The following PXT1 variants were observed in gnomAD, a reference collection of about 807,000 sequenced individuals.
PXT1 encodes peroxisomal testis enriched protein 1, also known as peroxisomal testis-specific protein 1.
A neutral mutation model predicts 11.0 loss-of-function variants in PXT1; 11 were observed. The ratio of observed to expected loss-of-function variants is 1.00; its 90% CI spans 0.63 to 1.66. PXT1 has a LOEUF of 1.66. Ranked by LOEUF, PXT1 falls within the 40% of genes most tolerant of loss-of-function variation. PXT1 has a pLI of 0.00. For synonymous variants in PXT1, 43 were observed against 51.4 expected (o/e 0.84, Z 0.70); for missense variants, 141 against 155.5 (o/e 0.91, Z 0.49).
intron 3 of PXT1, among the ~76,000 whole-genome samples, chr6:36,411,709 A>C (rs1209605633): frequency 6.6e-6 from 1 of 152,176 alleles, no homozygotes; most frequent in Admixed American, 6.5e-5. Flanking sequence ...TGGGAGGCCA[A>C]GGCAGGAGGA....
intron 3 of PXT1, among the ~76,000 whole-genome samples, chr6:36,417,342 G>A (rs681220): frequency 0.059 from 9,029 of 151,964 alleles, 457 homozygotes; most frequent in African/African-American, 0.14. Context: ...GCAAGACTCC[G>A]TCTCAAAATA....
intron 3 of PXT1, among the ~76,000 whole-genome samples, chr6:36,402,953 T>C (rs1561925929): frequency 1.9e-4 from 2 of 10,726 alleles, no homozygotes; most frequent in Admixed American, 1.0e-3. Context: ...CTTTCTTTCT[T>C]TTTTTTTTTT....
rs1190498640 is a variant in PXT1, at chr6:36,438,750, A to G, written c.-10+17T>C. 1 of 152,166 alleles carries G rather than the reference A, an allele frequency of 6.6e-6. No homozygotes were observed. Among genetic ancestry groups the G allele is most frequent in the Non-Finnish European group, 1.5e-5 (1 of 68,040 alleles). The allele number at this position is 152,166 out of a possible 1,614,324, so 9.4% of individuals were successfully genotyped here. A position where few individuals can be genotyped will look rare whatever the true frequency, so the allele number is the denominator to read the frequency against. On this transcript the variant is annotated intron_variant, in intron 2 of 4. Transcript: ENST00000454782. ...TTAGCGCAACACCATGTTTTAATGC[A>G]GTAAGTTCAGACTTACTTTTCCAAG...
At chr6:36,425,805 A>AAC in intron 3 of PXT1, 109 bp downstream of exon 3, 1 of 334,960 alleles carries the variant, frequency 3.0e-6, no homozygotes, top group Non-Finnish European at 5.0e-6. Context: ...AAAAACAAAA[A>AAC]ATATATATAT....
At chr6:36,431,592 C>A (rs115817786) in intron 2 of PXT1, among the ~76,000 whole-genome samples, 2,082 of 152,172 alleles carry the variant, frequency 0.014, 43 homozygotes, top group African/African-American at 0.045. Flanking sequence ...CGTGATGAAA[C>A]CGTGTCTCTA....
At chr6:36,402,020 A>G (rs1046637437) in intron 3 of PXT1, among the ~76,000 whole-genome samples, 1 of 151,412 alleles carries the variant, frequency 6.6e-6, no homozygotes, top group African/African-American at 2.4e-5. Context: ...TTTGTTTCCC[A>G]AGCTGGTCTT....
chr6:36,399,705 A>G (rs1196276675), intron 4 of PXT1, among the ~76,000 whole-genome samples: 1 of 152,192 alleles, frequency 6.6e-6, no homozygotes, highest in East Asian at 1.9e-4. Flanking sequence ...AAGCCCATGT[A>G]ATCATTCTCT....
At chr6:36,410,050 C>T (rs774929868) in intron 3 of PXT1, among the ~76,000 whole-genome samples, 29 of 148,968 alleles carry the variant, frequency 1.9e-4, no homozygotes, top group Non-Finnish European at 2.7e-4. Context: ...CTGGGGGACT[C>T]GGTGGCTCGT....
chr6:36,392,682 T>C (rs1194931884), intron 4 of PXT1, among the ~76,000 whole-genome samples: 1 of 152,064 alleles, frequency 6.6e-6, no homozygotes, highest in African/African-American at 2.4e-5. Flanking sequence ...TAATAATTAA[T>C]AATGTCTAGG....
intron 3 of PXT1, among the ~76,000 whole-genome samples, chr6:36,413,135 C>A (rs1213362762): frequency 6.6e-6 from 1 of 152,008 alleles, no homozygotes; most frequent in Non-Finnish European, 1.5e-5. Flanking sequence ...TTAGAAAATC[C>A]TGGCCGGACA....
chr6:36,422,025 ATT>A (rs1774530576), intron 3 of PXT1, among the ~76,000 whole-genome samples: 1 of 152,290 alleles, frequency 6.6e-6, no homozygotes, highest in Non-Finnish European at 1.5e-5. Flanking sequence ...ATATCCTACG[ATT>A]TGTTACAGTC....
intron 3 of PXT1, among the ~76,000 whole-genome samples, chr6:36,413,700 A>G (rs1774408101): frequency 6.6e-6 from 1 of 152,146 alleles, no homozygotes; most frequent in African/African-American, 2.4e-5. Context: ...ACTGTCAATA[A>G]TATGTGAGAG....
chr6:36,429,508 C>CTTTTTTTTTTTTTTTTTTTTTTTT (rs112777415), intron 2 of PXT1, among the ~76,000 whole-genome samples: 1 of 108,212 alleles, frequency 9.2e-6, no homozygotes, highest in Admixed American at 1.1e-4. Flanking sequence ...TTTTTCTTTT[C>CTTTTTTTTTTTTTTTTTTTTTTTT]TTTTTTTTTT....
At chr6:36,428,841 A>G (rs1000846559) in intron 2 of PXT1, among the ~76,000 whole-genome samples, 11 of 151,942 alleles carry the variant, frequency 7.2e-5, no homozygotes, top group African/African-American at 2.4e-4. Flanking sequence ...TTTTTAGTAG[A>G]GACGGGGTTT....
intron 3 of PXT1, among the ~76,000 whole-genome samples, chr6:36,415,279 C>T (rs950028959): frequency 5.3e-5 from 8 of 152,000 alleles, no homozygotes; most frequent in African/African-American, 1.9e-4. Context: ...CCTGCCTCTA[C>T]TAAAAATACA....
At chr6:36,422,967 A>C (rs746279446) in intron 3 of PXT1, among the ~76,000 whole-genome samples, 20 of 152,080 alleles carry the variant, frequency 1.3e-4, no homozygotes, top group Non-Finnish European at 2.8e-4. Flanking sequence ...AGGAGTTTCT[A>C]ATTTCCCTTA....
chr6:36,398,081 T>G lies in PXT1; in HGVS notation c.300+2373A>C, dbSNP rs1361823280. Reference sequence around the variant, plus strand: ...AATTATAAATGGACAAGGATATGAATAGACATTTCTCCAAAGAGAAAAATG... The same window carrying G: ...AATTATAAATGGACAAGGATATGAAGAGACATTTCTCCAAAGAGAAAAATG... On this transcript the variant is annotated intron_variant, in intron 4 of 4. Transcript: ENST00000454782. 2.0e-5 allele frequency among the ~76,000 whole-genome samples: 3 copies of G among 151,770 alleles called. No individual in the cohort carries two copies. In the East Asian group the frequency reaches 5.8e-4, roughly 29 times the overall value.
chr6:36,432,005 A>T (rs1774699739), intron 2 of PXT1, among the ~76,000 whole-genome samples: 1 of 152,104 alleles, frequency 6.6e-6, no homozygotes, highest in South Asian at 2.1e-4. Context: ...TGGGAGGCAG[A>T]GGTTGCAGTG....
At position 36,391,725 on chromosome 6, in the gene PXT1, G is replaced by A. The variant is rs775199297; in HGVS notation, c.*45C>T. The stretch of plus-strand genomic sequence containing the variant: ...CCAGTGGGATTCATGTTTCTCAGAG[G>A]GTAAAAAGAAAACAGAACTTGACCA... On this transcript the variant is annotated 3_prime_UTR_variant, in exon 5 of 5. Transcript: ENST00000454782. 2 of 1,254,132 alleles carry A rather than the reference G, an allele frequency of 1.6e-6. No homozygotes were observed. The highest frequency in any genetic ancestry group is 3.0e-5 in the African/African-American group (2 of 67,508). The allele number at this position is 1,254,132 out of a possible 1,614,324, so 77.7% of individuals were successfully genotyped here. A position where few individuals can be genotyped will look rare whatever the true frequency, so the allele number is the denominator to read the frequency against.
Sources: gnomAD v4.1 joint callset for allele counts (sites outside exome capture counted in the v4.1 genomes callset) on GRCh38, gnomAD v4.1.1 for gene constraint, MANE v1.5 for transcripts, NCBI Gene and HGNC (gene_info 2026-07-23, HGNC 2026-07-21) for gene names.